IFT88: variants seen among roughly 807,000 people sequenced by gnomAD.
IFT88 encodes intraflagellar transport 88.
Under a neutral mutation model 119.5 loss-of-function variants are expected in IFT88, and 74 were observed. The ratio of observed to expected loss-of-function variants is 0.62; its 90% confidence interval spans 0.51 to 0.75. IFT88 has a LOEUF of 0.75. Among genes scored for constraint, IFT88 ranks in the 30% least tolerant of loss-of-function variants. The pLI is 0.00. For synonymous variants in IFT88, 279 were observed against 316.7 expected (o/e 0.88, Z 1.26); for missense variants, 961 against 977.7 (o/e 0.98, Z 0.23).
rs377156222 is a variant in IFT88, at chr13:20,604,625, T to G, written c.1042-410T>G. On this transcript the variant is annotated intron_variant, in intron 12 of 25. Transcript: ENST00000351808. ...AATAGAAGGATTAATTTACTCTCCC[T>G]TTTTTAAAACTAATTAGTAGGGAGG... Among the ~76,000 whole-genome samples the G allele has an allele frequency of 1.6e-4, 24 of 152,312 alleles. No individual in the cohort carries two copies. In the East Asian group the frequency reaches 4.0e-3, roughly 26 times the overall value.
At chr13:20,635,112 C>T (rs1278453774) in intron 16 of IFT88, among the ~76,000 whole-genome samples, 3 of 151,986 alleles carry the variant, frequency 2.0e-5, no homozygotes, top group Non-Finnish European at 4.4e-5. Context: ...ATCCATGTCC[C>T]TACAAAGGAC....
intron 20 of IFT88, among the ~76,000 whole-genome samples, chr13:20,647,544 G>T (rs2050935793): frequency 6.6e-6 from 1 of 152,020 alleles, no homozygotes; most frequent in African/African-American, 2.4e-5. Flanking sequence ...TTTGGCAATT[G>T]GTTTAAGCAT....
chr13:20,654,938 T>C lies in IFT88; in HGVS notation c.2002+1010T>C, dbSNP rs2052479880. On this transcript the variant is annotated intron_variant, in intron 21 of 25. Coordinates refer to ENST00000351808, the MANE Select transcript of IFT88 (RefSeq NM_006531.5). ...ACAGGATAGAAGCAGCAGCTAGCAT[T>C]GAGAACTGGCTTTGGGTCAGATGCT... 2.0e-5 allele frequency among the ~76,000 whole-genome samples: 3 copies of C among 152,122 alleles called. No homozygotes were observed. The South Asian group carries it at 6.2e-4, about 31-fold the overall frequency.
intron 14 of IFT88, among the ~76,000 whole-genome samples, chr13:20,618,687 C>G (rs116763877): frequency 6.6e-6 from 1 of 152,036 alleles, no homozygotes; most frequent in Non-Finnish European, 1.5e-5. Context: ...TTTTAATGCT[C>G]TCCAGGTAGT....
chr13:20,584,793 A>G (rs73431329), intron 3 of IFT88, among the ~76,000 whole-genome samples: 1 of 152,122 alleles, frequency 6.6e-6, no homozygotes, highest in Admixed American at 6.5e-5. Context: ...CTCCCTACCT[A>G]TCTAATACTA....
chr13:20,685,317 A>G (rs1300503362), intron 24 of IFT88, among the ~76,000 whole-genome samples: 1 of 152,172 alleles, frequency 6.6e-6, no homozygotes, highest in Non-Finnish European at 1.5e-5. Flanking sequence ...TGTGTGTGAT[A>G]GCCATCACGA....
At chr13:20,578,062 T>C (rs1164040891) in intron 2 of IFT88, among the ~76,000 whole-genome samples, 6 of 78,900 alleles carry the variant, frequency 7.6e-5, no homozygotes, top group Middle Eastern at 9.4e-3. Context: ...TTTTTTTTTT[T>C]CAGATGGAGT....
At chr13:20,591,595 A>G in intron 5 of IFT88, 23 bp from the exon 6 acceptor site, 1 of 1,583,036 alleles carries the variant, frequency 6.3e-7, no homozygotes, top group Non-Finnish European at 8.7e-7. Flanking sequence ...TTTAAGAATA[A>G]ATGATTCCCA....
At chr13:20,569,825 G>A (rs1000768698) in intron 1 of IFT88, among the ~76,000 whole-genome samples, 4 of 151,768 alleles carry the variant, frequency 2.6e-5, no homozygotes, top group African/African-American at 9.7e-5. Flanking sequence ...TCAGGAGATC[G>A]AGACCATACC....
intron 16 of IFT88, among the ~76,000 whole-genome samples, chr13:20,636,796 G>A (rs933327394): frequency 6.6e-6 from 1 of 152,252 alleles, no homozygotes; most frequent in East Asian, 1.9e-4. Context: ...CTCACTTGTC[G>A]GTACCAATTT....
chr13:20,650,219 TACTC>T (rs1357423288), intron 20 of IFT88, among the ~76,000 whole-genome samples: 6 of 152,146 alleles, frequency 3.9e-5, no homozygotes, highest in East Asian at 3.9e-4. Flanking sequence ...AATGCAAAAA[TACTC>T]AACAAAATAC....
chr13:20,639,773 T>C (rs899592436), intron 17 of IFT88, among the ~76,000 whole-genome samples: 3 of 150,866 alleles, frequency 2.0e-5, no homozygotes, highest in African/African-American at 7.3e-5. Flanking sequence ...ATTATTGATA[T>C]AGTAAAATTT....
At chr13:20,631,298 T>C (rs1444950623) in intron 16 of IFT88, 196 bp downstream of exon 16, 3 of 515,982 alleles carry the variant, frequency 5.8e-6, no homozygotes, top group Non-Finnish European at 1.0e-5. Flanking sequence ...GAACACCATC[T>C]CTGAAGGAGA....
intron 24 of IFT88, among the ~76,000 whole-genome samples, chr13:20,681,257 A>G (rs1339844981): frequency 6.6e-6 from 1 of 152,254 alleles, no homozygotes; most frequent in African/African-American, 2.4e-5. Flanking sequence ...CGTTTAATAC[A>G]GGCAGAAGAT....
intron 12 of IFT88, among the ~76,000 whole-genome samples, chr13:20,603,274 G>C (rs899153634): frequency 1.3e-5 from 2 of 151,640 alleles, no homozygotes; most frequent in African/African-American, 4.8e-5. Flanking sequence ...TGTAATCCCA[G>C]TTACTAGGGA....
intron 7 of IFT88, among the ~76,000 whole-genome samples, chr13:20,595,382 G>A (rs2041466461): frequency 6.6e-6 from 1 of 152,022 alleles, no homozygotes; most frequent in South Asian, 2.1e-4. Context: ...CTGTCTCCCA[G>A]GTTCAAGCAA....
chr13:20,618,584 T>C (rs1451002679), intron 14 of IFT88, among the ~76,000 whole-genome samples: 1 of 152,180 alleles, frequency 6.6e-6, no homozygotes, highest in Non-Finnish European at 1.5e-5. Context: ...TACAGCTCTA[T>C]ACTATGCAAA....
intron 7 of IFT88, among the ~76,000 whole-genome samples, chr13:20,595,144 G>A (rs868841936): frequency 1.3e-5 from 2 of 152,298 alleles, no homozygotes; most frequent in South Asian, 4.1e-4. Context: ...CACGCCTATA[G>A]TGTCAACTAC....
chr13:20,655,147 G>A (rs1205729355), intron 21 of IFT88, among the ~76,000 whole-genome samples: 2 of 151,986 alleles, frequency 1.3e-5, no homozygotes, highest in Non-Finnish European at 2.9e-5. Context: ...TTAAAAAACT[G>A]TAAAGGCCGG....
Sources: allele counts gnomAD v4.1 joint callset (sites outside exome capture counted in the v4.1 genomes callset), GRCh38; gene constraint gnomAD v4.1.1; transcripts MANE v1.5; gene names NCBI Gene and HGNC (gene_info 2026-07-23, HGNC 2026-07-21).